The following KDM6A variants were observed in gnomAD, a reference collection of about 807,000 sequenced individuals.
The protein encoded by KDM6A is lysine-specific demethylase 6A.
Under a neutral mutation model 117.6 loss-of-function variants are expected in KDM6A, and 11 were observed. That is an observed-to-expected ratio of 0.09 (90% confidence interval 0.06 to 0.15). KDM6A has a LOEUF of 0.15. Ranked by LOEUF, KDM6A falls within the 10% of genes least tolerant of loss-of-function variation. The pLI, the probability that KDM6A is intolerant of heterozygous loss-of-function variation, is 1.00. For synonymous variants in KDM6A, 384 were observed against 396.1 expected (o/e 0.97, Z 0.36); for missense variants, 799 against 1,077.3 (o/e 0.74, Z 3.62).
chrX:44,931,671 C>T (rs1189799449), intron 2 of KDM6A, among the ~76,000 whole-genome samples: 2 of 111,005 alleles, frequency 1.8e-5, no homozygotes, highest in South Asian at 7.7e-4. Flanking sequence ...ATCATAGAAA[C>T]AGGAAGTAGA....
At chrX:45,015,260 A>G (rs1400046869) in intron 5 of KDM6A, among the ~76,000 whole-genome samples, 1 of 109,422 alleles carries the variant, frequency 9.1e-6, no homozygotes, top group East Asian at 2.9e-4. Context: ...GAAGGCTTGA[A>G]CCACTATGCC....
intron 27 of KDM6A, among the ~76,000 whole-genome samples, chrX:45,106,135 G>C (rs761419192): frequency 9.0e-6 from 1 of 111,085 alleles, no homozygotes; most frequent in Non-Finnish European, 1.9e-5. Flanking sequence ...AAATATGCAA[G>C]AATTGTTGAA....
At chrX:45,023,621 ATG>A (rs1434417353) in intron 6 of KDM6A, among the ~76,000 whole-genome samples, 1 of 111,774 alleles carries the variant, frequency 8.9e-6, no homozygotes, top group Non-Finnish European at 1.9e-5. Context: ...AGGTGAATAT[ATG>A]TGTGTGTTTG....
chrX:44,877,077 A>G (rs1327834801), intron 2 of KDM6A, among the ~76,000 whole-genome samples: 1 of 111,977 alleles, frequency 8.9e-6, no homozygotes, highest in East Asian at 2.8e-4. Flanking sequence ...ATATGTATAT[A>G]TATGCATATG....
At chrX:45,100,657 C>T (rs757245908) in intron 27 of KDM6A, among the ~76,000 whole-genome samples, 1 of 110,682 alleles carries the variant, frequency 9.0e-6, no homozygotes, top group Non-Finnish European at 1.9e-5. Context: ...ATCTGCCAGA[C>T]ACTAACACAT....
intron 8 of KDM6A, among the ~76,000 whole-genome samples, chrX:45,040,981 C>T (rs2043135168): frequency 1.3e-5 from 1 of 77,450 alleles, no homozygotes; most frequent in Non-Finnish European, 2.5e-5. Flanking sequence ...GACGGGGCGG[C>T]CGGCCGGGCG....
At chrX:44,924,964 C>T (rs1172149554) in intron 2 of KDM6A, among the ~76,000 whole-genome samples, 1 of 111,727 alleles carries the variant, frequency 9.0e-6, no homozygotes, top group Admixed American at 9.5e-5. Flanking sequence ...GTTAGGATTA[C>T]AGGCGTGAGC....
At position 45,082,618 on chromosome X, in the gene KDM6A, A is replaced by G. The variant is rs1165681830; in HGVS notation, c.3343A>G (p.Ser1115Gly). ...AAGTCATCATAAAGACCACTCAGAT[A>G]GTGAATCTACATCGTCAGATAAGTA... ...KRSHHKDHSD[S>G]ESTSSDNSGR... The change falls in exon 22 of 30, where the codon AGT (serine) becomes GGT (glycine). Residue 1115 changes from serine (S) to glycine (G), a missense_variant. By Grantham distance (56) the Ser-to-Gly change is moderately conservative. Around this residue, in one of 8 missense-constraint regions of KDM6A, gnomAD observed 291 missense variants for 437.9 expected, o/e 0.66. Coordinates refer to ENST00000611820, the MANE Select transcript of KDM6A (RefSeq NM_001291415.2). The G allele has an allele frequency of 8.4e-7, 1 of 1,193,926 alleles. No individual in the cohort carries two copies. The highest frequency in any genetic ancestry group is 3.0e-5 in the East Asian group (1 of 33,721).
chrX:45,083,484 G>C lies in KDM6A; in HGVS notation c.3465G>C (p.Leu1155=), dbSNP rs961946514. 7 of 1,210,195 alleles carry C rather than the reference G, an allele frequency of 5.8e-6. No individual in the cohort carries two copies. The highest frequency in any genetic ancestry group is 7.8e-6 in the Non-Finnish European group (7 of 894,347). The change falls in exon 24 of 30, where the codon CTG becomes CTC. Residue 1155 remains leucine (L), a synonymous_variant. Coordinates refer to ENST00000611820, the MANE Select transcript of KDM6A (RefSeq NM_001291415.2). ...GGTGGAAGTTGCAGCTACATGAGCT[G>C]ACTAAACTTCCTGCTTTTGTGCGTG... ...DKKWKLQLHE[L]TKLPAFVRVV...
chrX:45,076,692 TCCAG>T lies in KDM6A; in HGVS notation c.2859-4_2859-1del. On this transcript the variant is annotated splice_acceptor_variant and splice_polypyrimidine_tract_variant and intron_variant, in intron 18 of 29. Transcript: ENST00000611820. LOFTEE classifies it high-confidence loss of function. Reference sequence around the variant, plus strand: ...AACTGATTATCCCTTTTTTTTTTTTTCCAGGAATCTAGGTAAAAATGGCTTATCT... The same window carrying T: ...AACTGATTATCCCTTTTTTTTTTTTTGAATCTAGGTAAAAATGGCTTATCT... 2.1e-6 allele frequency: 2 copies of T among 967,269 alleles called. No homozygotes were observed. The highest frequency in any genetic ancestry group is 2.5e-5 in the Admixed American group (1 of 39,574). 79.7% of individuals were successfully genotyped at this position (967,269 alleles called of 1,213,427 possible).
chrX:44,958,670 C>T (rs2038500608), intron 2 of KDM6A, among the ~76,000 whole-genome samples: 1 of 96,159 alleles, frequency 1.0e-5, no homozygotes, highest in Non-Finnish European at 2.0e-5. Context: ...AACATGTGCC[C>T]GTAGACTTTC....
At chrX:45,004,066 G>T (rs1239738788) in intron 4 of KDM6A, among the ~76,000 whole-genome samples, 1 of 110,767 alleles carries the variant, frequency 9.0e-6, no homozygotes, top group East Asian at 2.8e-4. Flanking sequence ...ATTCTTCGTT[G>T]AAAGTCATGA....
chrX:45,041,997 C>A (rs2043252890), intron 8 of KDM6A, among the ~76,000 whole-genome samples: 1 of 110,508 alleles, frequency 9.0e-6, no homozygotes. Context: ...CGTCTGCAAT[C>A]CCGGCACCTC....
At chrX:44,936,291 C>T (rs1032592576) in intron 2 of KDM6A, among the ~76,000 whole-genome samples, 2 of 111,097 alleles carry the variant, frequency 1.8e-5, no homozygotes, top group African/African-American at 6.5e-5. Flanking sequence ...GGATCCTTAT[C>T]TTAATCCCAT....
chrX:45,029,206 G>A (rs762108226), intron 6 of KDM6A, among the ~76,000 whole-genome samples: 7 of 111,044 alleles, frequency 6.3e-5, no homozygotes, highest in Non-Finnish European at 1.3e-4. Context: ...AGGCTGAGGC[G>A]GGTGGATTGC....
chrX:45,071,729 G>A (rs2044841247), intron 18 of KDM6A, among the ~76,000 whole-genome samples: 1 of 60,669 alleles, frequency 1.6e-5, no homozygotes, highest in Admixed American at 1.8e-4. Flanking sequence ...CTTTTGGTCT[G>A]TGTTTTCTTT....
At position 45,069,574 on chromosome X, in the gene KDM6A, T is replaced by C. The variant is rs2044718153; in HGVS notation, c.2080-5T>C. The C allele has an allele frequency of 8.3e-7, 1 of 1,206,131 alleles. No homozygotes were observed. The highest frequency in any genetic ancestry group is 1.8e-5 in the South Asian group (1 of 56,658). On this transcript the variant is annotated splice_polypyrimidine_tract_variant and splice_region_variant and intron_variant, in intron 17 of 29. Transcript: ENST00000611820. Reference sequence around the variant, plus strand: ...TAGATTTAAACTATTTTTCTTTCTTTTTAGGGGCTTCACAAAGGTCAGAGT... The same window carrying C: ...TAGATTTAAACTATTTTTCTTTCTTCTTAGGGGCTTCACAAAGGTCAGAGT...
chrX:44,891,089 G>C (rs1274878989), intron 2 of KDM6A, among the ~76,000 whole-genome samples: 1 of 110,034 alleles, frequency 9.1e-6, no homozygotes, highest in Non-Finnish European at 1.9e-5. Context: ...TGTAGTCCTT[G>C]TTAGGTACGT....
At chrX:44,988,109 T>G (rs2040348366) in intron 4 of KDM6A, among the ~76,000 whole-genome samples, 1 of 111,842 alleles carries the variant, frequency 8.9e-6, no homozygotes, top group Non-Finnish European at 1.9e-5. Context: ...GTTCGTTTCT[T>G]TTTATTCTTT....
Sources: gnomAD v4.1 joint callset for allele counts (sites outside exome capture counted in the v4.1 genomes callset) on GRCh38, gnomAD v4.1.1 for gene constraint, gnomAD v4.1.1 regional missense constraint, MANE v1.5 for transcripts, NCBI Gene and HGNC (gene_info 2026-07-23, HGNC 2026-07-21) for gene names.